MEAF6: variants seen among roughly 807,000 people sequenced by gnomAD.
MEAF6 encodes the protein chromatin modification-related protein MEAF6.
MEAF6 carries 15 observed loss-of-function variants against 28.9 expected under a neutral mutation model. The observed-to-expected ratio is 0.52, with a 90% CI of 0.35 to 0.80. The LOEUF (loss-of-function observed/expected upper bound fraction) is 0.80. Ranked by LOEUF, MEAF6 falls within the 30% of genes least tolerant of loss-of-function variation. The pLI is 0.01. For synonymous variants in MEAF6, 97 were observed against 88.7 expected (o/e 1.09, Z -0.53); for missense variants, 178 against 237.5 (o/e 0.75, Z 1.65).
intron 4 of MEAF6, among the ~76,000 whole-genome samples, chr1:37,506,373 TTTTTTAA>T (rs1459825073): frequency 6.6e-6 from 1 of 152,198 alleles, no homozygotes; most frequent in Non-Finnish European, 1.5e-5. Context: ...GGACTATAAT[TTTTTTAA>T]TTTTTATTTT....
chr1:37,497,613 C>G (rs1642165541), intron 5 of MEAF6, among the ~76,000 whole-genome samples: 1 of 146,270 alleles, frequency 6.8e-6, no homozygotes, highest in South Asian at 2.1e-4. Flanking sequence ...TTTTTTGAGA[C>G]AGAGTTTTGC....
rs1024610818 is a variant in MEAF6, at chr1:37,492,061, C to T, written c.*2038G>A. On this transcript the variant is annotated 3_prime_UTR_variant, in exon 7 of 7. Coordinates refer to ENST00000296214, the MANE Select transcript of MEAF6 (RefSeq NM_001270875.3). Reference sequence around the variant, plus strand: ...TTTTTTTTTTTGAGATGGAGTCTCGCTCTGTCGCCCAGGCTGGAGTGCAGT... The same window carrying T: ...TTTTTTTTTTTGAGATGGAGTCTCGTTCTGTCGCCCAGGCTGGAGTGCAGT... Among the ~76,000 whole-genome samples, 1 of 151,576 alleles carries T rather than the reference C, an allele frequency of 6.6e-6. No individual in the cohort carries two copies. Among genetic ancestry groups the T allele is most frequent in the African/African-American group, 2.4e-5 (1 of 41,238 alleles).
intron 1 of MEAF6, chr1:37,514,431 T>C (rs1406854395): frequency 1.2e-5 from 3 of 244,746 alleles, no homozygotes; most frequent in African/African-American, 2.5e-5. Flanking sequence ...CCGCTTCCCC[T>C]CCCCCTCCCG....
At chr1:37,502,078 G>A (rs901392306) in intron 4 of MEAF6, 82 bp from the exon 5 acceptor site, 28 of 1,213,702 alleles carry the variant, frequency 2.3e-5, no homozygotes, top group Non-Finnish European at 3.1e-5. Flanking sequence ...ACACTAATAG[G>A]TAGAAAAAAA....
rs1327455867 is a variant in MEAF6, at chr1:37,492,647, T to TA, written c.*1451dup. The TA allele has an allele frequency of 6.6e-6, 1 of 152,112 alleles. No individual in the cohort carries two copies. The highest frequency in any genetic ancestry group is 1.5e-5 in the Non-Finnish European group (1 of 67,984). The allele number at this position is 152,112 out of a possible 1,614,324, so 9.4% of individuals were successfully genotyped here. A position where few individuals can be genotyped will look rare whatever the true frequency, so the allele number is the denominator to read the frequency against. On this transcript the variant is annotated 3_prime_UTR_variant, in exon 7 of 7. Transcript: ENST00000296214. ...CACATCTGACAAGGTAGACTTGTTTTACAGTAGATGCCATCCATATTCAGC... is the reference window on the plus strand; with the variant it reads ...CACATCTGACAAGGTAGACTTGTTTTAACAGTAGATGCCATCCATATTCAGC...
At chr1:37,499,854 AG>A (rs1158448011) in intron 5 of MEAF6, among the ~76,000 whole-genome samples, 2 of 152,232 alleles carry the variant, frequency 1.3e-5, no homozygotes, top group Non-Finnish European at 2.9e-5. Context: ...CCTTTTTATC[AG>A]TCACCAGCTA....
intron 5 of MEAF6, among the ~76,000 whole-genome samples, chr1:37,497,908 A>C (rs1266982292): frequency 6.6e-6 from 1 of 152,046 alleles, no homozygotes; most frequent in Admixed American, 6.6e-5. Flanking sequence ...ACCCCTATTA[A>C]AACAAGGGAA....
intron 2 of MEAF6, among the ~76,000 whole-genome samples, chr1:37,511,873 A>T (rs1642681284): frequency 6.6e-6 from 1 of 152,240 alleles, no homozygotes; most frequent in Non-Finnish European, 1.5e-5. Context: ...TCCTGGATCA[A>T]AACAAATTAG....
intron 2 of MEAF6, among the ~76,000 whole-genome samples, chr1:37,510,966 C>T (rs546815347): frequency 2.0e-5 from 3 of 152,240 alleles, no homozygotes; most frequent in South Asian, 4.1e-4. Flanking sequence ...GTGATCCACT[C>T]GCCTCGGCCT....
At chr1:37,509,018 G>A (rs1569984721) in intron 4 of MEAF6, among the ~76,000 whole-genome samples, 2 of 152,178 alleles carry the variant, frequency 1.3e-5, no homozygotes, top group Non-Finnish European at 2.9e-5. Flanking sequence ...GACTGCTTGA[G>A]CCTAGGAGTT....
intron 2 of MEAF6, among the ~76,000 whole-genome samples, chr1:37,512,479 C>G (rs1043470984): frequency 1.4e-5 from 2 of 147,550 alleles, no homozygotes; most frequent in Admixed American, 1.4e-4. Context: ...ATCAAGTGTT[C>G]ATATACTATT....
chr1:37,513,309 G>T, intron 2 of MEAF6, 114 bp downstream of exon 2: 1 of 733,672 alleles, frequency 1.4e-6, no homozygotes. Context: ...TTCAAGTCCA[G>T]ATCACACCAC....
At chr1:37,496,568 T>A in intron 5 of MEAF6, 1 of 1,432,392 alleles carries the variant, frequency 7.0e-7, no homozygotes, top group Non-Finnish European at 9.2e-7. Context: ...TTTTCTGTTT[T>A]TAAAAAAAAC....
chr1:37,504,289 T>C (rs1256797578), intron 4 of MEAF6, among the ~76,000 whole-genome samples: 1 of 152,200 alleles, frequency 6.6e-6, no homozygotes, highest in Non-Finnish European at 1.5e-5. Flanking sequence ...TAAACATCTT[T>C]CCTTTATAAA....
At position 37,503,225 on chromosome 1, in the gene MEAF6, C is replaced by A. The variant is rs775378413; in HGVS notation, c.341-1229G>T. On this transcript the variant is annotated intron_variant, in intron 4 of 6. Coordinates refer to ENST00000296214, the MANE Select transcript of MEAF6 (RefSeq NM_001270875.3). ...CTGCTGAGATTACAGGCATGAGCCACGCATTCTGCTAAGAATACTTTTAAA... is the reference window on the plus strand; with the variant it reads ...CTGCTGAGATTACAGGCATGAGCCAAGCATTCTGCTAAGAATACTTTTAAA... Among the ~76,000 whole-genome samples the A allele has an allele frequency of 8.8e-4, 134 of 152,206 alleles. 3 individuals are homozygous for A. Among genetic ancestry groups the A allele is most frequent in the Non-Finnish European group, 1.9e-4 (13 of 68,050 alleles).
intron 4 of MEAF6, among the ~76,000 whole-genome samples, chr1:37,504,569 G>A (rs570131796): frequency 1.7e-4 from 26 of 151,674 alleles, no homozygotes; most frequent in Non-Finnish European, 2.8e-4. Flanking sequence ...TCAGGAGTCG[G>A]AGACCAGCCT....
intron 4 of MEAF6, among the ~76,000 whole-genome samples, chr1:37,506,054 C>T (rs1328086098): frequency 6.6e-6 from 1 of 152,152 alleles, no homozygotes; most frequent in Non-Finnish European, 1.5e-5. Flanking sequence ...GGGCGGATCA[C>T]GAGGTCAGGA....
At chr1:37,507,217 G>A (rs1295850087) in intron 4 of MEAF6, among the ~76,000 whole-genome samples, 2 of 152,084 alleles carry the variant, frequency 1.3e-5, no homozygotes, top group Non-Finnish European at 2.9e-5. Flanking sequence ...CTACTTGGGA[G>A]GCTGAGGCAG....
Position 37,491,369 on chromosome 1 carries a change from G to A in MEAF6, c.*2730C>T, listed in dbSNP as rs1018018494. ...AAAATACAAAACTTAGATGGGCATG[G>A]TGGTGCATGCCTGTAGTCCCAGCTA... is the stretch of plus-strand genomic sequence containing the variant. On this transcript the variant is annotated 3_prime_UTR_variant, in exon 7 of 7. Coordinates refer to ENST00000296214, the MANE Select transcript of MEAF6 (RefSeq NM_001270875.3). Among the ~76,000 whole-genome samples, 5 of 152,108 alleles carry A rather than the reference G, an allele frequency of 3.3e-5. No individual in the cohort carries two copies. The highest frequency in any genetic ancestry group is 5.9e-5 in the Non-Finnish European group (4 of 68,032).
Sources: allele counts gnomAD v4.1 joint callset (sites outside exome capture counted in the v4.1 genomes callset), GRCh38; gene constraint gnomAD v4.1.1; transcripts MANE v1.5; gene names NCBI Gene and HGNC (gene_info 2026-07-23, HGNC 2026-07-21).